ALPL: variants seen among roughly 807,000 people sequenced by gnomAD.
ALPL encodes alkaline phosphatase, tissue-nonspecific isozyme.
A neutral mutation model predicts 51.3 loss-of-function variants in ALPL; 42 were observed. That is an observed-to-expected ratio of 0.82 (90% CI 0.64 to 1.06). The LOEUF (loss-of-function observed/expected upper bound fraction) is 1.06. Ranked by LOEUF, ALPL falls within the 50% of genes least tolerant of loss-of-function variation. ALPL has a pLI of 0.00. For missense variants in ALPL, 589 were observed against 709.4 expected, an observed-to-expected ratio of 0.83 and a Z score of 1.93; for synonymous variants, 279 against 296.4, an observed-to-expected ratio of 0.94 and a Z score of 0.60.
chr1:21,525,187 C>T (rs965521357), intron 1 of ALPL, among the ~76,000 whole-genome samples: 4 of 152,224 alleles, frequency 2.6e-5, no homozygotes, highest in East Asian at 3.9e-4. Flanking sequence ...TCCTCTTGGG[C>T]GGCCACATGA....
intron 10 of ALPL, among the ~76,000 whole-genome samples, chr1:21,576,268 TG>T (rs373370024): frequency 3.0e-3 from 63 of 20,896 alleles, no homozygotes; most frequent in East Asian, 0.027. Flanking sequence ...GATGGATGGA[TG>T]GGTGGATGGA....
chr1:21,520,491 G>A (rs532709546), intron 1 of ALPL, among the ~76,000 whole-genome samples: 88 of 116,188 alleles, frequency 7.6e-4, no homozygotes, highest in Admixed American at 4.1e-3. Flanking sequence ...TTTTTGAGAC[G>A]GAGTCTCGCC....
chr1:21,534,871 G>A (rs774056855), intron 1 of ALPL, among the ~76,000 whole-genome samples: 9 of 152,226 alleles, frequency 5.9e-5, no homozygotes, highest in Non-Finnish European at 1.2e-4. Context: ...CAAGGCCACA[G>A]TGAAATGATT....
intron 2 of ALPL, among the ~76,000 whole-genome samples, chr1:21,557,647 G>A (rs559595045): frequency 3.9e-5 from 6 of 152,200 alleles, no homozygotes; most frequent in South Asian, 2.1e-4. Flanking sequence ...ATGGCTTACT[G>A]TAGCCTCAAA....
chr1:21,561,739 T>C (rs1314566378), intron 4 of ALPL, among the ~76,000 whole-genome samples: 2 of 145,822 alleles, frequency 1.4e-5, no homozygotes, highest in Non-Finnish European at 3.0e-5. Context: ...TGACATCAGC[T>C]CACTGCAACC....
rs1289476015 is a variant in ALPL at position 21,564,909 on chromosome 1, C to G, written c.648+693C>G. Reference sequence around the variant, plus strand: ...GTCCTTGCCCTGAAACACACTTCAACAAACTGAGCTGACTCATGGAGACAG... The same window carrying G: ...GTCCTTGCCCTGAAACACACTTCAAGAAACTGAGCTGACTCATGGAGACAG... On this transcript the variant is annotated intron_variant, in intron 6 of 11. Coordinates refer to ENST00000374840, the MANE Select transcript of ALPL (RefSeq NM_000478.6). The surrounding 1 kb of genome is among the most constrained non-coding windows in gnomAD (Gnocchi z 5.8). Among the ~76,000 whole-genome samples the G allele has an allele frequency of 6.6e-6, 1 of 152,232 alleles. No individual in the cohort carries two copies. Among genetic ancestry groups the G allele is most frequent in the African/African-American group, 2.4e-5 (1 of 41,454 alleles).
At chr1:21,539,562 C>T (rs1021389389) in intron 1 of ALPL, among the ~76,000 whole-genome samples, 1 of 152,138 alleles carries the variant, frequency 6.6e-6, no homozygotes, top group African/African-American at 2.4e-5. Context: ...CCCAAATCCT[C>T]AGCTGGTTAG....
intron 8 of ALPL, among the ~76,000 whole-genome samples, chr1:21,571,490 G>C (rs904700789): frequency 6.6e-6 from 1 of 151,788 alleles, no homozygotes; most frequent in Non-Finnish European, 1.5e-5. Flanking sequence ...GGCTAACGAG[G>C]TGAAACCCCA....
chr1:21,538,225 G>T (rs1157483962), intron 1 of ALPL, among the ~76,000 whole-genome samples: 2 of 152,156 alleles, frequency 1.3e-5, no homozygotes, highest in Non-Finnish European at 2.9e-5. Flanking sequence ...GGTCAATGGG[G>T]GCCTGCTGAG....
intron 1 of ALPL, among the ~76,000 whole-genome samples, chr1:21,525,627 A>G (rs960044291): frequency 1.3e-5 from 2 of 152,208 alleles, no homozygotes; most frequent in African/African-American, 2.4e-5. Context: ...CATTAGCCCA[A>G]CTGCCTGTGA....
intron 6 of ALPL, among the ~76,000 whole-genome samples, chr1:21,567,282 C>T (rs563787695): frequency 6.6e-5 from 10 of 152,318 alleles, no homozygotes; most frequent in South Asian, 6.2e-4. Context: ...TGGTGGTCAC[C>T]GCAGGCGGCT....
chr1:21,534,527 T>A (rs6668129), intron 1 of ALPL, among the ~76,000 whole-genome samples: 1 of 151,366 alleles, frequency 6.6e-6, no homozygotes, highest in Non-Finnish European at 1.5e-5. Context: ...AGCTGAAGCT[T>A]CAGACTGAAG....
At chr1:21,526,894 C>T (rs1039465113) in intron 1 of ALPL, among the ~76,000 whole-genome samples, 1 of 152,170 alleles carries the variant, frequency 6.6e-6, no homozygotes, top group African/African-American at 2.4e-5. Flanking sequence ...GCTCCCCTGC[C>T]TCTCTTCAGT....
chr1:21,539,656 CTT>C (rs71016920), intron 1 of ALPL, among the ~76,000 whole-genome samples: 1,592 of 133,592 alleles, frequency 0.012, 22 homozygotes, highest in African/African-American at 0.039. Flanking sequence ...TTTCTTTTTC[CTT>C]TTTTTTTTTT....
chr1:21,573,832 C>T lies in ALPL; in HGVS notation c.997+33C>T, dbSNP rs753267982. 7 of 1,613,864 alleles carry T rather than the reference C, an allele frequency of 4.3e-6. No individual in the cohort carries two copies. In the South Asian group the frequency reaches 7.7e-5, roughly 18 times the overall value. ...CCCCGGGTCTGCTGAGAGGGGGCTG[C>T]TGGAAACACGGCCCTGGTGTCAGGA... On this transcript the variant is annotated intron_variant, in intron 9 of 11. Coordinates refer to ENST00000374840, the MANE Select transcript of ALPL (RefSeq NM_000478.6).
intron 1 of ALPL, among the ~76,000 whole-genome samples, chr1:21,549,916 G>A (rs1429650940): frequency 6.6e-6 from 1 of 152,174 alleles, no homozygotes; most frequent in Non-Finnish European, 1.5e-5. Context: ...AAGATCTACA[G>A]GCTGAAGACT....
chr1:21,560,413 TGAG>T (rs1389094658), intron 2 of ALPL, among the ~76,000 whole-genome samples: 2 of 152,110 alleles, frequency 1.3e-5, no homozygotes, highest in Non-Finnish European at 2.9e-5. Context: ...TTCTGAGATG[TGAG>T]GAGAAGACCC....
rs553947949 is a variant in ALPL, at chr1:21,577,771, C to T, written c.*123C>T. 9.3e-6 allele frequency: 12 copies of T among 1,292,906 alleles called. No individual in the cohort carries two copies. The South Asian group carries it at 1.4e-4, about 15-fold the overall frequency. The allele number at this position is 1,292,906 out of a possible 1,614,324, so 80.1% of individuals were successfully genotyped here. A position where few individuals can be genotyped will look rare whatever the true frequency, so the allele number is the denominator to read the frequency against. On this transcript the variant is annotated 3_prime_UTR_variant, in exon 12 of 12. Transcript: ENST00000374840. Reference sequence around the variant, plus strand: ...CCTCTGCAACTGCAAGAAAGGGGACCCAAGAAACCAAAGTCTGCCGCCCAC... The same window carrying T: ...CCTCTGCAACTGCAAGAAAGGGGACTCAAGAAACCAAAGTCTGCCGCCCAC...
chr1:21,510,266 C>A (rs745479871), intron 1 of ALPL, among the ~76,000 whole-genome samples: 1 of 152,174 alleles, frequency 6.6e-6, no homozygotes, highest in Non-Finnish European at 1.5e-5. Context: ...GGCAGGAGGC[C>A]GAGGAAAGCC....
Sources: gnomAD v4.1 joint callset for allele counts (sites outside exome capture counted in the v4.1 genomes callset) on GRCh38, gnomAD v4.1.1 for gene constraint, Gnocchi (gnomAD v3.1) non-coding constraint, MANE v1.5 for transcripts, NCBI Gene and HGNC (gene_info 2026-07-23, HGNC 2026-07-21) for gene names.